The following FHIT variants were observed in gnomAD, a reference collection of about 807,000 sequenced individuals.
FHIT encodes bis(5'-adenosyl)-triphosphatase.
FHIT carries 19 observed loss-of-function variants against 17.9 expected under a neutral mutation model. The ratio of observed to expected loss-of-function variants is 1.06; its 90% CI spans 0.74 to 1.56. FHIT has a LOEUF of 1.56. Among genes scored for constraint, FHIT ranks in the 40% most tolerant of loss-of-function variants. The pLI is 0.00. For synonymous variants in FHIT, 81 were observed against 69.7 expected, an observed-to-expected ratio of 1.16 and a Z score of -0.81; for missense variants, 248 against 189.2, an observed-to-expected ratio of 1.31 and a Z score of -1.82.
chr3:60,113,006 T>C (rs1704747339), intron 5 of FHIT, among the ~76,000 whole-genome samples: 1 of 152,056 alleles, frequency 6.6e-6, no homozygotes, highest in South Asian at 2.1e-4. Flanking sequence ...CACAGTGTAG[T>C]CTATAGTGTG....
chr3:60,181,265 C>A (rs530309562), intron 5 of FHIT, among the ~76,000 whole-genome samples: 1 of 151,682 alleles, frequency 6.6e-6, no homozygotes, highest in East Asian at 2.0e-4. Context: ...CCCACCTCAG[C>A]CTCCCAAGTA....
chr3:60,422,046 T>A (rs1702492342), intron 5 of FHIT, among the ~76,000 whole-genome samples: 1 of 152,168 alleles, frequency 6.6e-6, no homozygotes, highest in Non-Finnish European at 1.5e-5. Context: ...GAGGGCATAT[T>A]CTGACATCTT....
At chr3:60,781,364 A>G (rs782146555) in intron 4 of FHIT, among the ~76,000 whole-genome samples, 57 of 152,224 alleles carry the variant, frequency 3.7e-4, no homozygotes, top group Non-Finnish European at 7.2e-4. Flanking sequence ...TGCACCAGTC[A>G]AGAAGCACAC....
chr3:60,369,116 G>A (rs753110143), intron 5 of FHIT, among the ~76,000 whole-genome samples: 4 of 151,448 alleles, frequency 2.6e-5, no homozygotes, highest in Non-Finnish European at 4.4e-5. Context: ...CAAATCACAG[G>A]TGTGCACCAA....
intron 4 of FHIT, among the ~76,000 whole-genome samples, chr3:60,583,914 A>C (rs1158358396): frequency 6.6e-6 from 1 of 152,094 alleles, no homozygotes; most frequent in Non-Finnish European, 1.5e-5. Flanking sequence ...TCCCAGTTAA[A>C]TCACATCAGC....
intron 5 of FHIT, among the ~76,000 whole-genome samples, chr3:60,020,959 T>C (rs1362665119): frequency 2.0e-5 from 3 of 152,224 alleles, no homozygotes; most frequent in Non-Finnish European, 4.4e-5. Flanking sequence ...CATCTTGCTT[T>C]GTTTGGGCCA....
At chr3:61,144,076 A>C (rs1576097488) in intron 2 of FHIT, among the ~76,000 whole-genome samples, 1 of 152,302 alleles carries the variant, frequency 6.6e-6, no homozygotes, top group South Asian at 2.1e-4. Context: ...AAATTCACCC[A>C]TTTAAACTGT....
At chr3:60,484,781 G>A (rs1336936832) in intron 5 of FHIT, among the ~76,000 whole-genome samples, 1 of 152,184 alleles carries the variant, frequency 6.6e-6, no homozygotes, top group Non-Finnish European at 1.5e-5. Flanking sequence ...AAAAGCAATT[G>A]CAACAAAGGT....
intron 3 of FHIT, among the ~76,000 whole-genome samples, chr3:61,039,152 T>C (rs1280532046): frequency 6.6e-6 from 1 of 152,172 alleles, no homozygotes; most frequent in Non-Finnish European, 1.5e-5. Flanking sequence ...ATTTCCAAGA[T>C]ACTGATGTAA....
intron 5 of FHIT, among the ~76,000 whole-genome samples, chr3:60,176,978 A>T (rs552304087): frequency 6.6e-6 from 1 of 152,154 alleles, no homozygotes; most frequent in Admixed American, 6.5e-5. Flanking sequence ...CCAAAGAGGA[A>T]GACCAGAAAC....
intron 5 of FHIT, among the ~76,000 whole-genome samples, chr3:60,423,092 C>T (rs1702535055): frequency 6.6e-6 from 1 of 152,120 alleles, no homozygotes; most frequent in South Asian, 2.1e-4. Context: ...ACGGAACAGG[C>T]AGCCTCAATT....
intron 5 of FHIT, among the ~76,000 whole-genome samples, chr3:60,031,907 G>A (rs1258048642): frequency 6.6e-6 from 1 of 152,088 alleles, no homozygotes; most frequent in Non-Finnish European, 1.5e-5. Flanking sequence ...ATGAACCACT[G>A]TAGTAACAGC....
intron 3 of FHIT, among the ~76,000 whole-genome samples, chr3:60,905,257 C>G (rs1706344177): frequency 6.6e-6 from 1 of 152,062 alleles, no homozygotes; most frequent in South Asian, 2.1e-4. Flanking sequence ...CTATTTCTTG[C>G]CTATGAGATT....
chr3:60,861,314 G>A (rs1159072926), intron 3 of FHIT, among the ~76,000 whole-genome samples: 8 of 108,830 alleles, frequency 7.4e-5, no homozygotes, highest in South Asian at 2.9e-4. Context: ...GGGTTTTGAC[G>A]AAGCTCATTA....
At chr3:60,486,679 G>A (rs571144739) in intron 5 of FHIT, among the ~76,000 whole-genome samples, 2 of 152,200 alleles carry the variant, frequency 1.3e-5, no homozygotes, top group African/African-American at 4.8e-5. Context: ...TCAAATATCA[G>A]CTTCAAAGAT....
intron 5 of FHIT, among the ~76,000 whole-genome samples, chr3:60,459,712 C>T (rs761685012): frequency 2.6e-5 from 4 of 152,162 alleles, no homozygotes; most frequent in Admixed American, 1.3e-4. Flanking sequence ...CTTGCAAAGT[C>T]AGTAGGCTGA....
intron 9 of FHIT, chr3:59,750,646 C>G (rs886744549): frequency 3.2e-5 from 7 of 221,896 alleles, no homozygotes; most frequent in African/African-American, 1.6e-4. Flanking sequence ...ATGAAATAAG[C>G]TTTCTAGAAT....
At chr3:60,399,756 A>C (rs2107185274) in intron 5 of FHIT, among the ~76,000 whole-genome samples, 1 of 152,284 alleles carries the variant, frequency 6.6e-6, no homozygotes, top group South Asian at 2.1e-4. Flanking sequence ...GGTGATTATA[A>C]TCACCTTTTA....
At chr3:60,962,068 A>C (rs1709482074) in intron 3 of FHIT, among the ~76,000 whole-genome samples, 1 of 152,170 alleles carries the variant, frequency 6.6e-6, no homozygotes, top group South Asian at 2.1e-4. Context: ...TGAGCGTGGA[A>C]TGTTCTTCCA....
Sources: allele counts gnomAD v4.1 joint callset (sites outside exome capture counted in the v4.1 genomes callset), GRCh38; gene constraint gnomAD v4.1.1; transcripts MANE v1.5; gene names NCBI Gene and HGNC (gene_info 2026-07-23, HGNC 2026-07-21).